Variants in CDH23 observed in about 807,000 individuals in gnomAD.
CDH23 encodes the protein cadherin related 23, also known as cadherin-23.
A neutral mutation model predicts 317.1 loss-of-function variants in CDH23; 189 were observed. That is an observed-to-expected ratio of 0.60 (90% CI 0.53 to 0.67). The LOEUF (loss-of-function observed/expected upper bound fraction) is 0.67, where lower values mean the gene tolerates loss of function less well. CDH23 is among the 30% of genes least tolerant of loss of function. The pLI is 0.00. For missense variants in CDH23, 4,401 were observed against 4,592.4 expected (o/e 0.96, Z 1.20); for synonymous variants, 1,839 against 1,876.8 (o/e 0.98, Z 0.52).
At chr10:71,582,743 TC>T (rs1858728214) in intron 9 of CDH23, among the ~76,000 whole-genome samples, 1 of 152,158 alleles carries the variant, frequency 6.6e-6, no homozygotes, top group Non-Finnish European at 1.5e-5. Context: ...GACTCTTCAT[TC>T]CCACCCACAG....
At chr10:71,689,092 CCAGGGGTGGTGGAGT>C (rs1564734003) in intron 19 of CDH23, among the ~76,000 whole-genome samples, 34 of 32,774 alleles carry the variant, frequency 1.0e-3, no homozygotes, top group South Asian at 2.2e-3. Flanking sequence ...GGTGGTGGAG[CCAGGGGTGGTGGAGT>C]CAGGGGTGGT....
At chr10:71,767,371 G>C (rs1236471538) in intron 38 of CDH23, among the ~76,000 whole-genome samples, 1 of 152,206 alleles carries the variant, frequency 6.6e-6, no homozygotes, top group Non-Finnish European at 1.5e-5. Flanking sequence ...GTCGGGCCTA[G>C]GAAGCCCCAC....
At chr10:71,443,727 C>T (rs939718964) in intron 2 of CDH23, among the ~76,000 whole-genome samples, 1 of 152,234 alleles carries the variant, frequency 6.6e-6, no homozygotes, top group African/African-American at 2.4e-5. Flanking sequence ...AGAAATCACC[C>T]CCTGCCCCTC....
intron 22 of CDH23, among the ~76,000 whole-genome samples, chr10:71,700,801 A>G (rs1865553757): frequency 6.6e-6 from 1 of 152,154 alleles, no homozygotes; most frequent in Non-Finnish European, 1.5e-5. Context: ...CCCAGGACCC[A>G]TGGACAGGGG....
In CDH23 at chr10:71,811,549, C is replaced by T. The variant is rs753289128; in HGVS notation, c.9237C>T (p.Ala3079=). 16 of 1,613,834 alleles carry T rather than the reference C, an allele frequency of 9.9e-6. No individual in the cohort carries two copies. In the Admixed American group the frequency reaches 1.0e-4, roughly 10 times the overall value. ...TCCTGGCTATCCTCCTGTTCCTGGC[C>T]GCCATGCTCTTTGTCCTCATGAACT... The part of the protein sequence containing the change: ...IIVLAILLFL[A]AMLFVLMNWY... Residue 3079 remains alanine, a synonymous_variant, in exon 64 of 70, where the codon GCC becomes GCT. Transcript: ENST00000224721.
chr10:71,458,092 C>T (rs764566784), intron 3 of CDH23, among the ~76,000 whole-genome samples: 8 of 152,218 alleles, frequency 5.3e-5, no homozygotes, highest in Non-Finnish European at 8.8e-5. Context: ...CTCCAGCTGG[C>T]TGAGGAGACG....
chr10:71,530,496 G>A (rs986521076), intron 6 of CDH23, among the ~76,000 whole-genome samples: 12 of 152,224 alleles, frequency 7.9e-5, no homozygotes, highest in Non-Finnish European at 1.3e-4. Flanking sequence ...GCCAAGGACC[G>A]TGGGGATTGT....
At chr10:71,586,808 T>C (rs1413493686) in intron 9 of CDH23, among the ~76,000 whole-genome samples, 1 of 152,238 alleles carries the variant, frequency 6.6e-6, no homozygotes, top group Non-Finnish European at 1.5e-5. Flanking sequence ...AAATATCATG[T>C]TATACATAGG....
At chr10:71,584,139 T>C (rs1483774336) in intron 9 of CDH23, among the ~76,000 whole-genome samples, 1 of 152,132 alleles carries the variant, frequency 6.6e-6, no homozygotes. Flanking sequence ...CGGCAAAATT[T>C]TGTACTGGGG....
At chr10:71,788,698 GCCCGT>G (rs1195882879) in intron 44 of CDH23, among the ~76,000 whole-genome samples, 3 of 152,148 alleles carry the variant, frequency 2.0e-5, no homozygotes, top group Non-Finnish European at 4.4e-5. Context: ...CTCGTGATCT[GCCCGT>G]CTTGGCCTCC....
intron 68 of CDH23, 101 bp from the exon 69 acceptor site, chr10:71,813,143 G>T (rs1007854236): frequency 3.3e-6 from 4 of 1,225,456 alleles, no homozygotes; most frequent in Non-Finnish European, 4.6e-6. Context: ...AGGATCACCA[G>T]GATCAGATGT....
chr10:71,590,878 A>AC lies in CDH23; in HGVS notation c.832+12886_832+12887insC, dbSNP rs1564673728. 1.0e-4 allele frequency among the ~76,000 whole-genome samples: 13 copies of AC among 128,596 alleles called. No homozygotes were observed. The East Asian group carries it at 1.3e-3, about 13-fold the overall frequency. 84.4% of individuals were successfully genotyped at this position (128,596 alleles called of 152,430 possible). On this transcript the variant is annotated intron_variant, in intron 9 of 69. Coordinates refer to ENST00000224721, the MANE Select transcript of CDH23 (RefSeq NM_022124.6). Reference sequence around the variant, plus strand: ...ACAGAGTGAGACCCTGTCTCTAAAAAAAAAAAAACAAAAAAAAACAAAAAA... The same window carrying AC: ...ACAGAGTGAGACCCTGTCTCTAAAAACAAAAAAAACAAAAAAAAACAAAAAA...
chr10:71,604,488 A>G (rs956216795), intron 9 of CDH23, among the ~76,000 whole-genome samples: 4 of 152,062 alleles, frequency 2.6e-5, no homozygotes, highest in African/African-American at 9.7e-5. Context: ...CCTCGTCACC[A>G]GCAGGCTTTC....
chr10:71,605,603 A>G (rs1190874942), intron 9 of CDH23, among the ~76,000 whole-genome samples: 1 of 152,208 alleles, frequency 6.6e-6, no homozygotes, highest in Non-Finnish European at 1.5e-5. Flanking sequence ...TTCTATGTGC[A>G]CATTTTTTAA....
At chr10:71,524,369 G>GTGTGCTCTCTTCCAAGACCCGTGC (rs1854897652) in intron 6 of CDH23, among the ~76,000 whole-genome samples, 1 of 152,180 alleles carries the variant, frequency 6.6e-6, no homozygotes, top group African/African-American at 2.4e-5. Context: ...CCAGCCCTTG[G>GTGTGCTCTCTTCCAAGACCCGTGC]TGTGCTCTCT....
intron 8 of CDH23, among the ~76,000 whole-genome samples, chr10:71,574,704 T>C (rs1420137464): frequency 6.6e-6 from 1 of 152,102 alleles, no homozygotes; most frequent in Non-Finnish European, 1.5e-5. Context: ...GTCCACGGCT[T>C]TCCTGACAAG....
intron 50 of CDH23, 75 bp downstream of exon 50, chr10:71,798,653 GCCCCT>G: frequency 5.9e-6 from 7 of 1,189,886 alleles, no homozygotes; most frequent in South Asian, 1.5e-5. Flanking sequence ...AGAGACCACA[GCCCCT>G]CTGTGGCTCC....
chr10:71,503,260 G>A (rs183525501), intron 3 of CDH23, among the ~76,000 whole-genome samples: 121 of 152,340 alleles, frequency 7.9e-4, no homozygotes, highest in African/African-American at 2.8e-3. Context: ...GGGGTACAGG[G>A]CCGGTTCCTC....
At chr10:71,790,222 G>A (rs993330121) in intron 45 of CDH23, 66 bp from the exon 46 acceptor site, 2 of 1,592,536 alleles carry the variant, frequency 1.3e-6, no homozygotes, top group African/African-American at 2.7e-5. Flanking sequence ...ACCGGGACAG[G>A]GCAGGGGAGG....
Sources: gnomAD v4.1 joint callset for allele counts (sites outside exome capture counted in the v4.1 genomes callset) on GRCh38, gnomAD v4.1.1 for gene constraint, MANE v1.5 for transcripts, NCBI Gene and HGNC (gene_info 2026-07-23, HGNC 2026-07-21) for gene names.